The following VWA8 variants were observed in gnomAD, a reference collection of about 807,000 sequenced individuals.
VWA8 encodes von Willebrand factor A domain containing 8, also known as von Willebrand factor A domain-containing protein 8.
VWA8 carries 221 observed loss-of-function variants against 241.5 expected under a neutral mutation model. That is an observed-to-expected ratio of 0.91 (90% CI 0.82 to 1.02). The LOEUF is 1.02. Ranked by LOEUF, VWA8 falls within the 50% of genes least tolerant of loss-of-function variation. The pLI is 0.00. For synonymous variants in VWA8, 852 were observed against 827.1 expected (o/e 1.03, Z -0.52); for missense variants, 2,322 against 2,328.7 (o/e 1.00, Z 0.06).
rs540683435 is a variant in VWA8, at chr13:41,802,820, C to T, written c.2063+8405G>A. 8.5e-4 allele frequency among the ~76,000 whole-genome samples: 130 copies of T among 152,344 alleles called. 1 individual carries two copies. The highest frequency in any genetic ancestry group is 1.6e-3 in the Non-Finnish European group (106 of 68,034). On this transcript the variant is annotated intron_variant, in intron 17 of 44. Transcript: ENST00000379310. ...ACAACCTGACTAAAGAATAGTTGGGCCATGAATAAACATAAGTGGTAGCCA... is the reference window on the plus strand; with the variant it reads ...ACAACCTGACTAAAGAATAGTTGGGTCATGAATAAACATAAGTGGTAGCCA...
chr13:41,806,381 A>C (rs191568132), intron 17 of VWA8, among the ~76,000 whole-genome samples: 22 of 152,320 alleles, frequency 1.4e-4, no homozygotes, highest in African/African-American at 4.8e-4. Flanking sequence ...TAAACATCAG[A>C]GCAGAAACAA....
intron 37 of VWA8, among the ~76,000 whole-genome samples, chr13:41,615,554 A>C (rs1043852715): frequency 2.6e-5 from 4 of 152,238 alleles, no homozygotes; most frequent in Non-Finnish European, 1.5e-5. Context: ...TACATATAAT[A>C]TATGGAAAAG....
At chr13:41,820,006 A>T (rs1209661950) in intron 14 of VWA8, among the ~76,000 whole-genome samples, 1 of 152,176 alleles carries the variant, frequency 6.6e-6, no homozygotes, top group Non-Finnish European at 1.5e-5. Context: ...TCTCTCTTAA[A>T]ACTCTCTGGT....
chr13:41,703,543 T>G (rs995913646), intron 26 of VWA8, 132 bp from the exon 27 acceptor site: 9 of 674,248 alleles, frequency 1.3e-5, no homozygotes, highest in Admixed American at 2.8e-5. Flanking sequence ...TTATACATCA[T>G]TTTATTAAAC....
intron 2 of VWA8, among the ~76,000 whole-genome samples, chr13:41,916,901 T>C (rs1876285752): frequency 6.6e-6 from 1 of 152,188 alleles, no homozygotes. Flanking sequence ...CCAACTTCAA[T>C]GTTTTCAGGC....
At chr13:41,693,362 C>T (rs1373996653) in intron 29 of VWA8, among the ~76,000 whole-genome samples, 1 of 151,910 alleles carries the variant, frequency 6.6e-6, no homozygotes, top group Non-Finnish European at 1.5e-5. Context: ...ATTCATCTAC[C>T]TGTAACAAAA....
intron 12 of VWA8, among the ~76,000 whole-genome samples, chr13:41,846,040 T>C (rs887194930): frequency 6.6e-6 from 1 of 150,486 alleles, no homozygotes; most frequent in Non-Finnish European, 1.5e-5. Flanking sequence ...ATAATAAGCT[T>C]TTTAGTTCTT....
At chr13:41,698,018 C>A (rs949070671) in intron 29 of VWA8, among the ~76,000 whole-genome samples, 2 of 152,162 alleles carry the variant, frequency 1.3e-5, no homozygotes, top group Non-Finnish European at 2.9e-5. Context: ...CTGTTCTCCT[C>A]TTCACCTCTC....
intron 19 of VWA8, among the ~76,000 whole-genome samples, chr13:41,782,116 C>T (rs1490771884): frequency 1.3e-5 from 2 of 152,186 alleles, no homozygotes; most frequent in African/African-American, 2.4e-5. Flanking sequence ...ATTCATAATG[C>T]TTTAAGAAGA....
intron 9 of VWA8, among the ~76,000 whole-genome samples, chr13:41,881,371 C>CGGG (rs1491104127): frequency 2.7e-4 from 3 of 10,980 alleles, no homozygotes; most frequent in Admixed American, 1.7e-3. Context: ...TTTTTTTTTG[C>CGGG]CGGGGGGGGG....
chr13:41,612,138 T>C (rs947767127), intron 38 of VWA8, among the ~76,000 whole-genome samples: 1 of 152,234 alleles, frequency 6.6e-6, no homozygotes, highest in African/African-American at 2.4e-5. Flanking sequence ...ATATATTTGC[T>C]AATTAAATGA....
chr13:41,779,130 C>T (rs1026669022), intron 19 of VWA8, among the ~76,000 whole-genome samples: 5 of 149,326 alleles, frequency 3.3e-5, no homozygotes, highest in South Asian at 2.1e-4. Context: ...CGTGAGCCAC[C>T]GCACCTGGCT....
chr13:41,949,001 TA>T (rs1877990677), intron 2 of VWA8, among the ~76,000 whole-genome samples: 1 of 94,918 alleles, frequency 1.1e-5, no homozygotes, highest in Admixed American at 1.4e-4. Context: ...TATATATAGC[TA>T]AAGAACAAGC....
chr13:41,807,055 T>C (rs1480466811), intron 17 of VWA8, among the ~76,000 whole-genome samples: 2 of 152,034 alleles, frequency 1.3e-5, no homozygotes, highest in Admixed American at 6.6e-5. Flanking sequence ...GAAGCTACCA[T>C]GAGAAACTAT....
intron 2 of VWA8, among the ~76,000 whole-genome samples, chr13:41,930,936 G>T (rs1286143557): frequency 1.3e-5 from 2 of 151,894 alleles, no homozygotes; most frequent in Non-Finnish European, 2.9e-5. Flanking sequence ...GGATCACGAG[G>T]TCAAGAGATT....
intron 4 of VWA8, among the ~76,000 whole-genome samples, chr13:41,906,906 C>T (rs941006209): frequency 2.0e-5 from 3 of 152,224 alleles, no homozygotes; most frequent in Admixed American, 6.5e-5. Flanking sequence ...AGAAAAATAG[C>T]AGCTGACAGT....
chr13:41,815,048 G>C (rs914960758), intron 16 of VWA8, among the ~76,000 whole-genome samples: 3 of 152,178 alleles, frequency 2.0e-5, no homozygotes, highest in Non-Finnish European at 4.4e-5. Context: ...AGGCCTCACA[G>C]AAAAGGTGAC....
At chr13:41,881,924 G>A (rs559978461) in intron 9 of VWA8, among the ~76,000 whole-genome samples, 32 of 150,758 alleles carry the variant, frequency 2.1e-4, no homozygotes, top group African/African-American at 6.1e-4. Flanking sequence ...CCTCCCTCCC[G>A]GACGGGGTGG....
intron 28 of VWA8, among the ~76,000 whole-genome samples, chr13:41,700,627 A>C (rs2045243410): frequency 1.3e-5 from 2 of 152,234 alleles, no homozygotes. Context: ...AATGCAGTTC[A>C]GTCTTTGTCT....
Sources: allele counts gnomAD v4.1 joint callset (sites outside exome capture counted in the v4.1 genomes callset), GRCh38; gene constraint gnomAD v4.1.1; transcripts MANE v1.5; gene names NCBI Gene and HGNC (gene_info 2026-07-23, HGNC 2026-07-21).